The following RB1 variants were observed in gnomAD, a reference collection of about 807,000 sequenced individuals.
RB1 encodes the protein RB transcriptional corepressor 1.
Under a neutral mutation model 135.4 loss-of-function variants are expected in RB1, and 18 were observed. The ratio of observed to expected loss-of-function variants is 0.13; its 90% CI spans 0.09 to 0.20. The LOEUF (loss-of-function observed/expected upper bound fraction) is 0.20, where lower values mean the gene tolerates loss of function less well. Among genes scored for constraint, RB1 ranks in the 10% least tolerant of loss-of-function variants. The pLI is 1.00. For synonymous variants in RB1, 365 were observed against 373.2 expected, an observed-to-expected ratio of 0.98 and a Z score of 0.25; for missense variants, 868 against 1,110.0, an observed-to-expected ratio of 0.78 and a Z score of 3.10.
chr13:48,471,654 C>T (rs1949471453), intron 23 of RB1, among the ~76,000 whole-genome samples: 5 of 147,136 alleles, frequency 3.4e-5, no homozygotes, highest in Admixed American at 3.4e-4. Context: ...TAGGTATCTT[C>T]TTTTGAGAAC....
At chr13:48,333,084 G>A (rs1952350958) in intron 2 of RB1, 3 of 398,194 alleles carry the variant, frequency 7.5e-6, no homozygotes, top group South Asian at 1.3e-4. Context: ...AAGTGAAACC[G>A]TGGATATGGA....
chr13:48,382,997 A>G (rs1185661077), intron 17 of RB1, among the ~76,000 whole-genome samples: 7 of 152,174 alleles, frequency 4.6e-5, no homozygotes, highest in African/African-American at 1.7e-4. Flanking sequence ...CAAAGATCAG[A>G]TGGTTGTAGA....
chr13:48,450,421 G>C (rs1949319663), intron 17 of RB1, among the ~76,000 whole-genome samples: 1 of 151,998 alleles, frequency 6.6e-6, no homozygotes, highest in Non-Finnish European at 1.5e-5. Flanking sequence ...AATAGGGAAT[G>C]CTTTCTCCAT....
At chr13:48,373,303 G>A (rs1952781393) in intron 11 of RB1, 102 bp from the exon 12 acceptor site, 2 of 756,152 alleles carry the variant, frequency 2.6e-6, no homozygotes, top group African/African-American at 1.7e-5. Context: ...GGGAGGCAGT[G>A]TATTTGAAGA....
At chr13:48,456,492 A>T (rs1949361185) in intron 19 of RB1, 143 bp downstream of exon 19, 1 of 1,297,288 alleles carries the variant, frequency 7.7e-7, no homozygotes, top group African/African-American at 1.5e-5. Context: ...TATAAAATGG[A>T]AATGATAATG....
rs1468090966 is a variant in RB1 at position 48,319,139 on chromosome 13, G to C, written c.264+11733G>C. On this transcript the variant is annotated intron_variant, in intron 2 of 26. Coordinates refer to ENST00000267163, the MANE Select transcript of RB1 (RefSeq NM_000321.3). The surrounding 1 kb of genome is among the most constrained non-coding windows in gnomAD (Gnocchi z 5.0). ...TGGAGGCGGAGCTTTGGTTTCCTTC[G>C]GGAGCTTGTGGGGAATGGTCAGCGT... 1 of 602,390 alleles carries C rather than the reference G, an allele frequency of 1.7e-6. No individual in the cohort carries two copies. Among genetic ancestry groups the C allele is most frequent in the Non-Finnish European group, 3.0e-6 (1 of 330,068 alleles). 37.3% of individuals were successfully genotyped at this position (602,390 alleles called of 1,614,324 possible).
At chr13:48,309,081 G>A (rs945141853) in intron 2 of RB1, among the ~76,000 whole-genome samples, 1 of 151,906 alleles carries the variant, frequency 6.6e-6, no homozygotes, top group Non-Finnish European at 1.5e-5. Context: ...ATTTGTATTC[G>A]TAAGAATAAT....
chr13:48,458,967 A>C (rs1949378897), intron 19 of RB1, among the ~76,000 whole-genome samples: 1 of 152,210 alleles, frequency 6.6e-6, no homozygotes, highest in Non-Finnish European at 1.5e-5. Flanking sequence ...GGAAAAATTC[A>C]TAGACACTGG....
Position 48,459,693 on chromosome 13 carries a change from C to T in RB1, c.1966C>T (p.Arg656Trp), listed in dbSNP as rs142509759. ...SLSLFYKKVY[R>W]LAYLRLNTLC... ...AATTTTTCTTATTCCCACAGTGTAT[C>T]GGCTAGCCTATCTCCGGCTAAATAC... is the stretch of plus-strand genomic sequence containing the variant. The change falls in exon 20 of 27, where the codon CGG (arginine) becomes TGG (tryptophan). Residue 656 changes from arginine to tryptophan, a missense_variant. Around this residue, in one of 3 missense-constraint regions of RB1, gnomAD observed 641 missense variants for 791.3 expected, o/e 0.81. Coordinates refer to ENST00000267163, the MANE Select transcript of RB1 (RefSeq NM_000321.3). 1,629 of 1,613,844 alleles carry T rather than the reference C, an allele frequency of 1.0e-3. 3 individuals carry two copies. The highest frequency in any genetic ancestry group is 1.2e-3 in the Non-Finnish European group (1,473 of 1,179,952).
At chr13:48,318,973 G>A in intron 2 of RB1, 1 of 813,048 alleles carries the variant, frequency 1.2e-6, no homozygotes, top group Non-Finnish European at 2.1e-6. Context: ...TTGCAGAAAG[G>A]GACCTGTTGC....
intron 17 of RB1, among the ~76,000 whole-genome samples, chr13:48,441,901 C>T (rs1949240762): frequency 6.6e-6 from 1 of 152,132 alleles, no homozygotes; most frequent in Admixed American, 6.5e-5. Flanking sequence ...TATTTATTCA[C>T]TTGTTTTTAA....
At chr13:48,458,431 C>G (rs1008902616) in intron 19 of RB1, among the ~76,000 whole-genome samples, 1 of 152,074 alleles carries the variant, frequency 6.6e-6, no homozygotes, top group African/African-American at 2.4e-5. Flanking sequence ...TGATTTTATT[C>G]AAGTAAGAAT....
At chr13:48,338,770 T>C (rs563713283) in intron 2 of RB1, among the ~76,000 whole-genome samples, 3 of 152,370 alleles carry the variant, frequency 2.0e-5, no homozygotes, top group African/African-American at 7.2e-5. Context: ...TTTTAGAATT[T>C]TCAGCTTTTC....
In RB1 at chr13:48,326,498, T is replaced by C. The variant is rs544541421; in HGVS notation, c.265-16101T>C. ...CAAGAAAAGAATATCAGAAGAGGTA[T>C]GTTATTTTAACAAACAGGAAAATGG... On this transcript the variant is annotated intron_variant, in intron 2 of 26. Transcript: ENST00000267163. 2.6e-5 allele frequency among the ~76,000 whole-genome samples: 4 copies of C among 152,244 alleles called. No homozygotes were observed. The South Asian group carries it at 8.3e-4, about 32-fold the overall frequency.
At chr13:48,344,873 G>T (rs1952478164) in intron 3 of RB1, among the ~76,000 whole-genome samples, 1 of 152,090 alleles carries the variant, frequency 6.6e-6, no homozygotes, top group African/African-American at 2.4e-5. Flanking sequence ...TCTCAATGAT[G>T]AATAGATATA....
chr13:48,311,984 A>C (rs1952135089), intron 2 of RB1, among the ~76,000 whole-genome samples: 1 of 152,232 alleles, frequency 6.6e-6, no homozygotes, highest in Non-Finnish European at 1.5e-5. Context: ...TACAGGCGTG[A>C]GCCACTGTGC....
chr13:48,371,176 T>C (rs1489957290), intron 11 of RB1, among the ~76,000 whole-genome samples: 1 of 152,216 alleles, frequency 6.6e-6, no homozygotes, highest in Non-Finnish European at 1.5e-5. Context: ...ATGTGCATGA[T>C]ATAGCCTGTG....
intron 2 of RB1, chr13:48,318,596 G>T: frequency 1.6e-6 from 1 of 620,046 alleles, no homozygotes; most frequent in South Asian, 1.8e-5. Context: ...CCTCATGGCC[G>T]GGCACGGCTC....
Position 48,481,093 on chromosome 13 carries a change from C to T in RB1, c.*1022C>T, listed in dbSNP as rs886050283. Reference sequence around the variant, plus strand: ...TGCATCTCAAAATTATTCTGCCCTCCTTAATTTGGGAAGGTTTGTGTTTTC... The same window carrying T: ...TGCATCTCAAAATTATTCTGCCCTCTTTAATTTGGGAAGGTTTGTGTTTTC... On this transcript the variant is annotated 3_prime_UTR_variant, in exon 27 of 27. Transcript: ENST00000267163. 5.7e-5 allele frequency: 13 copies of T among 229,988 alleles called. No homozygotes were observed. The Admixed American group carries it at 6.8e-4, about 12-fold the overall frequency. The allele number at this position is 229,988 out of a possible 1,614,324, so 14.2% of individuals were successfully genotyped here.
Sources: gnomAD v4.1 joint callset for allele counts (sites outside exome capture counted in the v4.1 genomes callset) on GRCh38, gnomAD v4.1.1 for gene constraint, gnomAD v4.1.1 regional missense constraint, Gnocchi (gnomAD v3.1) non-coding constraint, MANE v1.5 for transcripts, NCBI Gene and HGNC (gene_info 2026-07-23, HGNC 2026-07-21) for gene names.